LMNA: variants seen among roughly 807,000 people sequenced by gnomAD.
LMNA encodes lamin A/C, also known as lamin.
In LMNA, 20 loss-of-function variants were observed where a neutral mutation model predicts 70.4. That is an observed-to-expected ratio of 0.28 (90% CI 0.20 to 0.41). The LOEUF is 0.41. LMNA is among the 10% of genes least tolerant of loss of function. LMNA has a pLI of 1.00. For missense variants in LMNA, 652 were observed against 917.2 expected (o/e 0.71, Z 3.73); for synonymous variants, 339 against 372.8 (o/e 0.91, Z 1.04).
chr1:156,139,131 G>C lies in LMNA; in HGVS notation c.*25G>C. 1 of 1,613,698 alleles carries C rather than the reference G, an allele frequency of 6.2e-7. No homozygotes were observed. The highest frequency in any genetic ancestry group is 1.3e-5 in the African/African-American group (1 of 75,012). ...ATCTGGGACCTGCCAGGCAGGGGTG[G>C]GGGTGGAGGCTTCCTGCGTCCTCCT... On this transcript the variant is annotated 3_prime_UTR_variant, in exon 12 of 12. Coordinates refer to ENST00000368300, the MANE Select transcript of LMNA (RefSeq NM_170707.4).
At chr1:156,125,588 C>G (rs1650500678) in intron 1 of LMNA, among the ~76,000 whole-genome samples, 1 of 151,988 alleles carries the variant, frequency 6.6e-6, no homozygotes, top group African/African-American at 2.4e-5. Flanking sequence ...ACTCTGGAGG[C>G]TGAGGCACAA....
At chr1:156,091,323 C>A (rs929781043) in intron 3 of LMNA, among the ~76,000 whole-genome samples, 3 of 152,178 alleles carry the variant, frequency 2.0e-5, no homozygotes, top group African/African-American at 7.2e-5. Flanking sequence ...TCATCTATGG[C>A]CAGGTGCGGT....
At chr1:156,123,674 C>A (rs762946714) in intron 1 of LMNA, among the ~76,000 whole-genome samples, 4 of 152,068 alleles carry the variant, frequency 2.6e-5, no homozygotes, top group Non-Finnish European at 4.4e-5. Flanking sequence ...TGTGACAACA[C>A]CGGAATGATT....
rs541064402 is a variant in LMNA at position 156,103,310 on chromosome 1, A to AC, written c.-206-11398dup. 1.3e-5 allele frequency among the ~76,000 whole-genome samples: 2 copies of AC among 151,812 alleles called. No individual in the cohort carries two copies. The highest frequency in any genetic ancestry group is 2.4e-5 in the African/African-American group (1 of 41,290). Reference sequence around the variant, plus strand: ...GCTGAGGGTGAGAAGCCAGCGATCGACCCCCAGGGAGAAGTCTTGCAGAGG... The same window carrying AC: ...GCTGAGGGTGAGAAGCCAGCGATCGACCCCCCAGGGAGAAGTCTTGCAGAGG... On this transcript the variant is annotated intron_variant, in intron 3 of 12. Coordinates refer to the LMNA transcript ENST00000368301. The surrounding 1 kb of genome is among the most constrained non-coding windows in gnomAD (Gnocchi z 4.7).
chr1:156,121,242 T>C (rs1190010211), intron 1 of LMNA, among the ~76,000 whole-genome samples: 1 of 151,458 alleles, frequency 6.6e-6, no homozygotes, highest in Non-Finnish European at 1.5e-5. Flanking sequence ...AGAGACCAGG[T>C]TTCACCATGT....
upstream of LMNA, among the ~76,000 whole-genome samples, chr1:156,112,595 CTT>C (rs371713240): frequency 2.6e-5 from 4 of 152,186 alleles, no homozygotes; most frequent in African/African-American, 7.2e-5. Context: ...AAGAACAAGA[CTT>C]TTTATTGTCT....
rs1168054322 is a variant in LMNA at position 156,139,131 on chromosome 1, G to A, written c.*25G>A. The A allele has an allele frequency of 6.2e-7, 1 of 1,613,698 alleles. No individual in the cohort carries two copies. The highest frequency in any genetic ancestry group is 8.5e-7 in the Non-Finnish European group (1 of 1,179,952). ...ATCTGGGACCTGCCAGGCAGGGGTG[G>A]GGGTGGAGGCTTCCTGCGTCCTCCT... is the stretch of plus-strand genomic sequence containing the variant. On this transcript the variant is annotated 3_prime_UTR_variant, in exon 12 of 12. Transcript: ENST00000368300.
At chr1:156,126,257 G>A in intron 1 of LMNA, 2 of 1,475,200 alleles carry the variant, frequency 1.4e-6, no homozygotes, top group Non-Finnish European at 1.8e-6. Flanking sequence ...GGTCTAAGGA[G>A]TCCCTGCAGG....
chr1:156,108,583 C>T (rs1649431418), intron 3 of LMNA, among the ~76,000 whole-genome samples: 1 of 152,050 alleles, frequency 6.6e-6, no homozygotes, highest in African/African-American at 2.4e-5. Flanking sequence ...ATGGTGAAAT[C>T]CCGTCTCTAC....
At chr1:156,105,524 G>GT (rs1424342726) in intron 3 of LMNA, among the ~76,000 whole-genome samples, 3 of 152,146 alleles carry the variant, frequency 2.0e-5, no homozygotes, top group Admixed American at 2.0e-4. Flanking sequence ...CACTTTCCTA[G>GT]TTGACCTCCT....
At chr1:156,091,245 A>T (rs1648685787) in intron 3 of LMNA, 1 of 152,302 alleles carries the variant, frequency 6.6e-6, no homozygotes, top group Admixed American at 6.5e-5. Flanking sequence ...GGAAACAGGC[A>T]TTTGAGTCCA....
intron 1 of LMNA, among the ~76,000 whole-genome samples, chr1:156,118,725 C>T (rs1649999229): frequency 6.6e-6 from 1 of 152,138 alleles, no homozygotes; most frequent in Admixed American, 6.5e-5. Context: ...ATTTTCCCAA[C>T]CCCTCCCACC....
intron 3 of LMNA, among the ~76,000 whole-genome samples, chr1:156,098,470 G>C (rs1432455500): frequency 6.6e-6 from 1 of 152,198 alleles, no homozygotes; most frequent in Non-Finnish European, 1.5e-5. Flanking sequence ...AATGCCATGT[G>C]AAAAGAAGGT....
At position 156,138,412 on chromosome 1, in the gene LMNA, G is replaced by T; in HGVS notation, c.1699-76G>T. ...CTGCCTGGCGGCTGGGAGCCTGCAGGAGCCTGGAGCCTGGTTGGGCCTGAG... is the reference window on the plus strand; with the variant it reads ...CTGCCTGGCGGCTGGGAGCCTGCAGTAGCCTGGAGCCTGGTTGGGCCTGAG... On this transcript the variant is annotated intron_variant, in intron 10 of 11. Coordinates refer to ENST00000368300, the MANE Select transcript of LMNA (RefSeq NM_170707.4). This position sits in a 1 kb window ranked among gnomAD's most constrained non-coding sequence, Gnocchi z 5.5. 1 of 1,516,212 alleles carries T rather than the reference G, an allele frequency of 6.6e-7. No individual in the cohort carries two copies. The highest frequency in any genetic ancestry group is 2.4e-5 in the East Asian group (1 of 41,870). The allele number at this position is 1,516,212 out of a possible 1,614,324, so 93.9% of individuals were successfully genotyped here. A position where few individuals can be genotyped will look rare whatever the true frequency, so the allele number is the denominator to read the frequency against.
chr1:156,113,323 C>A (rs924378771), upstream of LMNA, among the ~76,000 whole-genome samples: 36 of 151,008 alleles, frequency 2.4e-4, no homozygotes, highest in African/African-American at 6.1e-4. Flanking sequence ...AACAAACAAA[C>A]AAAAAAAACA....
intron 1 of LMNA, chr1:156,127,096 A>C: frequency 1.6e-6 from 1 of 641,142 alleles, no homozygotes; most frequent in Non-Finnish European, 2.6e-6. Flanking sequence ...GCCAACCCCC[A>C]GTGGAGTGGG....
Position 156,136,435 on chromosome 1 carries a change from A to C in LMNA, c.1379A>C (p.Glu460Ala). 6.4e-7 allele frequency: 1 copy of C among 1,571,984 alleles called. No homozygotes were observed. The highest frequency in any genetic ancestry group is 8.6e-7 in the Non-Finnish European group (1 of 1,159,294). ...KFVRLRNKSN[E>A]DQSMGNWQIK... is the part of the protein sequence containing the mutation. ...GTCCGGCTGCGCAACAAGTCCAATG[A>C]GGTAGGCTCCTGCTCAGGGTCTAAG... Residue 460 changes from glutamate (E) to alanine (A), a missense_variant and splice_region_variant, in exon 7 of 12, where the codon GAG (glutamate) becomes GCG (alanine). Physicochemically the swap from Glu to Ala is moderately radical, Grantham distance 107. This residue lies in a region of LMNA where 327 missense variants were observed against 387.6 expected (regional missense o/e 0.84). Transcript: ENST00000368300. This position sits in a 1 kb window ranked among gnomAD's most constrained non-coding sequence, Gnocchi z 6.1.
chr1:156,102,038 G>A (rs1649162272), intron 3 of LMNA, among the ~76,000 whole-genome samples: 1 of 152,210 alleles, frequency 6.6e-6, no homozygotes, highest in Non-Finnish European at 1.5e-5. Context: ...TCTCAAGAGT[G>A]GAAGGCCACT....
At chr1:156,084,816 C>A (rs567433190) in intron 2 of LMNA, among the ~76,000 whole-genome samples, 168 of 152,368 alleles carry the variant, frequency 1.1e-3, no homozygotes, top group Middle Eastern at 3.4e-3. Flanking sequence ...GACTCCCACC[C>A]TGAACTTGCG....
Sources: gnomAD v4.1 joint callset for allele counts (sites outside exome capture counted in the v4.1 genomes callset) on GRCh38, gnomAD v4.1.1 for gene constraint, gnomAD v4.1.1 regional missense constraint, Gnocchi (gnomAD v3.1) non-coding constraint, MANE v1.5 for transcripts, NCBI Gene and HGNC (gene_info 2026-07-23, HGNC 2026-07-21) for gene names.